PARP15: variants seen among roughly 807,000 people sequenced by gnomAD.
The protein encoded by PARP15 is poly(ADP-ribose) polymerase family member 15.
Under a neutral mutation model 62.1 loss-of-function variants are expected in PARP15, and 50 were observed. That is an observed-to-expected ratio of 0.81 (90% confidence interval 0.64 to 1.02). The LOEUF (loss-of-function observed/expected upper bound fraction) is 1.02. PARP15 is among the 50% of genes least tolerant of loss of function. The probability of loss-of-function intolerance (pLI) is 0.00; values close to 1 mark genes in which losing one functional copy is unlikely to be tolerated. For missense variants in PARP15, 820 were observed against 826.5 expected (o/e 0.99, Z 0.10); for synonymous variants, 309 against 293.1 (o/e 1.05, Z -0.55).
intron 2 of PARP15, among the ~76,000 whole-genome samples, chr3:122,609,475 GTCACT>G (rs1239166368): frequency 6.6e-6 from 1 of 152,058 alleles, no homozygotes; most frequent in Non-Finnish European, 1.5e-5. Context: ...AGGTGGGCAG[GTCACT>G]TGAGATCAGG....
chr3:122,614,511 C>T (rs1048329865), intron 4 of PARP15, among the ~76,000 whole-genome samples: 1 of 152,078 alleles, frequency 6.6e-6, no homozygotes, highest in African/African-American at 2.4e-5. Context: ...TTTTAAAAAA[C>T]AACATTTACC....
intron 3 of PARP15, among the ~76,000 whole-genome samples, chr3:122,611,238 G>A (rs1425657757): frequency 6.6e-6 from 1 of 151,842 alleles, no homozygotes; most frequent in Non-Finnish European, 1.5e-5. Flanking sequence ...CTTTTTTTCA[G>A]AATATAAAAA....
intron 6 of PARP15, among the ~76,000 whole-genome samples, chr3:122,618,092 G>A (rs192167052): frequency 2.6e-5 from 4 of 152,122 alleles, no homozygotes; most frequent in South Asian, 2.1e-4. Flanking sequence ...AAAATAAAAC[G>A]GAAATAGAAT....
chr3:122,589,632 G>A (rs1448108631), intron 1 of PARP15, among the ~76,000 whole-genome samples: 2 of 152,120 alleles, frequency 1.3e-5, no homozygotes, highest in African/African-American at 2.4e-5. Flanking sequence ...GGCTAACGAT[G>A]TTGTGCATCT....
chr3:122,618,573 G>C (rs895121714), intron 6 of PARP15, among the ~76,000 whole-genome samples: 1 of 152,152 alleles, frequency 6.6e-6, no homozygotes, highest in African/African-American at 2.4e-5. Flanking sequence ...TGAAATTCCA[G>C]ATCAGTAGCA....
At chr3:122,613,942 C>T (rs1935762906) in intron 4 of PARP15, among the ~76,000 whole-genome samples, 4 of 150,946 alleles carry the variant, frequency 2.6e-5, no homozygotes, top group African/African-American at 9.8e-5. Flanking sequence ...GCCTCCTGGG[C>T]TCAAGCAATC....
rs1270686604 is a variant in PARP15 at position 122,637,276 on chromosome 3, T to C, written c.*1176T>C. On this transcript the variant is annotated 3_prime_UTR_variant, in exon 12 of 12. Transcript: ENST00000464300. Reference sequence around the variant, plus strand: ...CTCCCAGGCAAGAAGCCCTCTAGCCTCTGCTTGATCACTTTCAGCACTCAA... The same window carrying C: ...CTCCCAGGCAAGAAGCCCTCTAGCCCCTGCTTGATCACTTTCAGCACTCAA... The C allele has an allele frequency of 3.9e-5, 6 of 152,134 alleles. No homozygotes were observed. The highest frequency in any genetic ancestry group is 3.9e-4 in the Admixed American group (6 of 15,272). 9.4% of individuals were successfully genotyped at this position (152,134 alleles called of 1,614,324 possible).
intron 2 of PARP15, among the ~76,000 whole-genome samples, chr3:122,608,736 T>A (rs1397781961): frequency 1.3e-5 from 2 of 152,148 alleles, no homozygotes; most frequent in Non-Finnish European, 2.9e-5. Flanking sequence ...TTTTGATTAT[T>A]TTGAATTGAT....
chr3:122,614,181 A>G (rs1398821499), intron 4 of PARP15, among the ~76,000 whole-genome samples: 1 of 151,896 alleles, frequency 6.6e-6, no homozygotes, highest in Non-Finnish European at 1.5e-5. Context: ...TGGTAATAAC[A>G]CCTTTCGGAA....
intron 1 of PARP15, among the ~76,000 whole-genome samples, chr3:122,597,192 C>A (rs1189797758): frequency 6.6e-6 from 1 of 152,106 alleles, no homozygotes; most frequent in Non-Finnish European, 1.5e-5. Context: ...CTTCTGAAAG[C>A]CTTTTTAAAA....
chr3:122,615,418 A>C, intron 4 of PARP15: 1 of 1,284,758 alleles, frequency 7.8e-7, no homozygotes, highest in South Asian at 1.3e-5. Flanking sequence ...CAAATACTCT[A>C]CACTTCCCTC....
At chr3:122,597,752 A>G (rs1013570225) in intron 1 of PARP15, among the ~76,000 whole-genome samples, 2 of 152,184 alleles carry the variant, frequency 1.3e-5, no homozygotes, top group Non-Finnish European at 2.9e-5. Flanking sequence ...TATGCATATT[A>G]TAATATACAC....
At chr3:122,633,790 A>C (rs1937193697) in intron 10 of PARP15, among the ~76,000 whole-genome samples, 1 of 152,248 alleles carries the variant, frequency 6.6e-6, no homozygotes, top group Admixed American at 6.5e-5. Flanking sequence ...CTGTACAAGA[A>C]GTGCAAGAAC....
chr3:122,633,781 T>A (rs1038821388), intron 10 of PARP15, among the ~76,000 whole-genome samples: 8 of 152,218 alleles, frequency 5.3e-5, no homozygotes, highest in African/African-American at 1.9e-4. Context: ...GAGGGATGAC[T>A]GTACAAGAAG....
chr3:122,620,233 A>G (rs1936252108), intron 7 of PARP15, among the ~76,000 whole-genome samples: 1 of 152,184 alleles, frequency 6.6e-6, no homozygotes, highest in Non-Finnish European at 1.5e-5. Flanking sequence ...ATCAGAAGGA[A>G]CAATTAATGT....
At chr3:122,600,790 A>AC (rs200037859) in intron 1 of PARP15, among the ~76,000 whole-genome samples, 62 of 138,650 alleles carry the variant, frequency 4.5e-4, no homozygotes, top group African/African-American at 1.9e-3. Flanking sequence ...ATTCATTATT[A>AC]CCTTTTTTTT....
At chr3:122,599,684 C>T (rs1479950057) in intron 1 of PARP15, among the ~76,000 whole-genome samples, 1 of 152,162 alleles carries the variant, frequency 6.6e-6, no homozygotes, top group Non-Finnish European at 1.5e-5. Context: ...AGTAATCTTT[C>T]CACTTCAGCC....
chr3:122,589,958 T>C (rs1933757517), intron 1 of PARP15, among the ~76,000 whole-genome samples: 2 of 147,808 alleles, frequency 1.4e-5, no homozygotes, highest in African/African-American at 2.5e-5. Context: ...CAATCTTGGC[T>C]CACTGCAAGC....
intron 5 of PARP15, among the ~76,000 whole-genome samples, chr3:122,616,547 G>A (rs761579690): frequency 3.3e-5 from 5 of 151,918 alleles, no homozygotes; most frequent in African/African-American, 9.7e-5. Context: ...GACCAAGCTG[G>A]TCTCGAACTC....
Sources: allele counts gnomAD v4.1 joint callset (sites outside exome capture counted in the v4.1 genomes callset), GRCh38; gene constraint gnomAD v4.1.1; transcripts MANE v1.5; gene names NCBI Gene and HGNC (gene_info 2026-07-23, HGNC 2026-07-21).